The following COL11A1 variants were observed in gnomAD, a reference collection of about 807,000 sequenced individuals.
COL11A1 encodes collagen alpha-1(XI) chain.
In COL11A1, 74 loss-of-function variants were observed where a neutral mutation model predicts 265.2. That is an observed-to-expected ratio of 0.28 (90% confidence interval 0.23 to 0.34). The LOEUF (loss-of-function observed/expected upper bound fraction) is 0.34, where lower values mean the gene tolerates loss of function less well. COL11A1 is among the 10% of genes least tolerant of loss of function. The pLI, the probability that COL11A1 is intolerant of heterozygous loss-of-function variation, is 1.00. For missense variants in COL11A1, 2,165 were observed against 2,263.6 expected, an observed-to-expected ratio of 0.96 and a Z score of 0.88; for synonymous variants, 816 against 727.6, an observed-to-expected ratio of 1.12 and a Z score of -1.96.
chr1:102,899,534 T>C (rs1207715760), intron 54 of COL11A1, among the ~76,000 whole-genome samples: 3 of 152,078 alleles, frequency 2.0e-5, no homozygotes, highest in Non-Finnish European at 4.4e-5. Flanking sequence ...TTCACATAAA[T>C]AGGTAAAATG....
At chr1:103,059,316 T>C (rs1670478855) in intron 4 of COL11A1, among the ~76,000 whole-genome samples, 1 of 152,018 alleles carries the variant, frequency 6.6e-6, no homozygotes, top group Non-Finnish European at 1.5e-5. Context: ...ACTGATAAAA[T>C]TCACAGTCCA....
chr1:102,985,763 T>C (rs1418637027), intron 30 of COL11A1, among the ~76,000 whole-genome samples: 1 of 152,164 alleles, frequency 6.6e-6, no homozygotes, highest in East Asian at 1.9e-4. Context: ...TTACACATGA[T>C]AGAGCCTAAG....
At position 102,885,922 on chromosome 1, in the gene COL11A1, TAAG is replaced by T. The variant is rs538289017; in HGVS notation, c.4858+882_4858+884del. ...TTTAACAGGCTATGCTTGATTAAGA[TAAG>T]AAGATTTTTGTGACATCCTTTTTTT... On this transcript the variant is annotated intron_variant, in intron 63 of 66. Coordinates refer to ENST00000370096, the MANE Select transcript of COL11A1 (RefSeq NM_001854.4). 1.2e-3 allele frequency among the ~76,000 whole-genome samples: 186 copies of T among 152,302 alleles called. 1 individual carries two copies. Among genetic ancestry groups the T allele is most frequent in the Non-Finnish European group, 2.0e-3 (136 of 67,998 alleles).
At chr1:103,083,115 G>T (rs1222440448) in intron 1 of COL11A1, 143 bp from the exon 2 acceptor site, 4 of 728,710 alleles carry the variant, frequency 5.5e-6, no homozygotes, top group Admixed American at 2.7e-5. Flanking sequence ...TTAGGTGGGA[G>T]TTTGGAGAGT....
intron 7 of COL11A1, 47 bp from the exon 8 acceptor site, chr1:103,023,043 T>C (rs752392255): frequency 3.0e-5 from 48 of 1,586,986 alleles, no homozygotes; most frequent in Non-Finnish European, 4.0e-5. Context: ...AGTTTATTGT[T>C]AGTAAAGCAA....
At chr1:103,057,435 A>T (rs1254168849) in intron 4 of COL11A1, among the ~76,000 whole-genome samples, 1 of 152,178 alleles carries the variant, frequency 6.6e-6, no homozygotes. Flanking sequence ...CTCATTTTGA[A>T]ACAAACTTCT....
chr1:102,880,880 C>T (rs978188593), intron 65 of COL11A1, among the ~76,000 whole-genome samples: 29 of 151,976 alleles, frequency 1.9e-4, no homozygotes, highest in African/African-American at 7.0e-4. Flanking sequence ...AGAGTTCTAT[C>T]TGTATATATT....
At chr1:103,045,599 T>C (rs908121049) in intron 4 of COL11A1, among the ~76,000 whole-genome samples, 4 of 152,016 alleles carry the variant, frequency 2.6e-5, no homozygotes, top group South Asian at 2.1e-4. Context: ...ATTTAAATAA[T>C]ATATCAATAT....
chr1:102,898,971 TG>T lies in COL11A1; in HGVS notation c.4109del (p.Ala1370GlufsTer88). The T allele has an allele frequency of 6.4e-7, 1 of 1,553,038 alleles. No homozygotes were observed. The highest frequency in any genetic ancestry group is 1.7e-4 in the Middle Eastern group (1 of 5,744). ...GKRGPPGAAG[A>X]EGRQGEKGAK... ...CACCTTTTTCACCTTGTCTTCCCTCTGCACCTGCAGCTCCAGGAGGACCCTA... is the reference window on the plus strand; with the variant it reads ...CACCTTTTTCACCTTGTCTTCCCTCTCACCTGCAGCTCCAGGAGGACCCTA... On this transcript the variant is annotated frameshift_variant, in exon 55 of 67. Coordinates refer to ENST00000370096, the MANE Select transcript of COL11A1 (RefSeq NM_001854.4). LOFTEE classifies it high-confidence loss of function.
chr1:102,907,551 T>A (rs1172504097), intron 54 of COL11A1, among the ~76,000 whole-genome samples: 1 of 152,056 alleles, frequency 6.6e-6, no homozygotes, highest in African/African-American at 2.4e-5. Flanking sequence ...AATCATTGGC[T>A]TATGTTTCTT....
chr1:102,961,145 T>A (rs1312747132), intron 41 of COL11A1, among the ~76,000 whole-genome samples: 1 of 152,138 alleles, frequency 6.6e-6, no homozygotes, highest in Non-Finnish European at 1.5e-5. Context: ...AGACACTAAA[T>A]ATGGCAGTTT....
At chr1:103,050,010 T>C (rs966560395) in intron 4 of COL11A1, among the ~76,000 whole-genome samples, 1 of 152,228 alleles carries the variant, frequency 6.6e-6, no homozygotes, top group Non-Finnish European at 1.5e-5. Flanking sequence ...TAACCCGACC[T>C]TTCTCTCTGG....
intron 15 of COL11A1, among the ~76,000 whole-genome samples, chr1:103,007,497 C>G (rs1156539054): frequency 6.6e-5 from 10 of 151,520 alleles, no homozygotes; most frequent in African/African-American, 2.4e-4. Flanking sequence ...AAAATGAAAC[C>G]CAAATTTGAA....
chr1:103,102,842 A>G (rs957088316), intron 1 of COL11A1, among the ~76,000 whole-genome samples: 1 of 152,006 alleles, frequency 6.6e-6, no homozygotes, highest in African/African-American at 2.4e-5. Flanking sequence ...TTTCCCTAAA[A>G]ACAGAAAGAC....
Position 102,909,158 on chromosome 1 carries a change from C to G in COL11A1, c.4086+3001G>C, listed in dbSNP as rs188699154. Among the ~76,000 whole-genome samples the G allele has an allele frequency of 4.0e-3, 607 of 152,140 alleles. 8 individuals carry two copies. The highest frequency in any genetic ancestry group is 0.014 in the African/African-American group (588 of 41,518). On this transcript the variant is annotated intron_variant, in intron 54 of 66. Transcript: ENST00000370096. The stretch of plus-strand genomic sequence containing the variant: ...GGATTTCTTATGAATAGATTAATAC[C>G]TTTCCAGGATGGGTGTGAGTGGCTT...
intron 13 of COL11A1, among the ~76,000 whole-genome samples, chr1:103,013,426 C>T (rs1456592206): frequency 6.6e-6 from 1 of 151,632 alleles, no homozygotes; most frequent in African/African-American, 2.4e-5. Flanking sequence ...TATTTAAGTT[C>T]AAATAATTAC....
intron 4 of COL11A1, among the ~76,000 whole-genome samples, chr1:103,056,327 T>C (rs1044869030): frequency 5.3e-5 from 8 of 152,130 alleles, no homozygotes; most frequent in African/African-American, 1.7e-4. Flanking sequence ...CCCAAACCAA[T>C]TGAGGAAAAA....
rs1264711178 is a variant in COL11A1, at chr1:102,886,944, T to A, written c.4721A>T (p.Asp1574Val). The change falls in exon 63 of 67, where the codon GAT (aspartate) becomes GTT (valine). Residue 1574 changes from aspartate (D) to valine (V), a missense_variant. Physicochemically the swap from Asp to Val is radical, Grantham distance 152. Coordinates refer to ENST00000370096, the MANE Select transcript of COL11A1 (RefSeq NM_001854.4). ...DADDNILDYSDGMEEIFGSLN... is the reference protein window; with the variant it reads ...DADDNILDYSVGMEEIFGSLN... Reference sequence around the variant, plus strand: ...GGAACCAAATATTTCTTCCATTCCATCCGAGTAATCAAGAATATTATCATC... The same window carrying A: ...GGAACCAAATATTTCTTCCATTCCAACCGAGTAATCAAGAATATTATCATC... 1.2e-6 allele frequency: 2 copies of A among 1,613,928 alleles called. No homozygotes were observed. Among genetic ancestry groups the A allele is most frequent in the African/African-American group, 2.7e-5 (2 of 75,034 alleles).
At chr1:103,034,852 C>G (rs1303072828) in intron 4 of COL11A1, among the ~76,000 whole-genome samples, 1 of 152,072 alleles carries the variant, frequency 6.6e-6, no homozygotes, top group Non-Finnish European at 1.5e-5. Context: ...TCCCCTTCCG[C>G]CAGGCCTACT....
Sources: gnomAD v4.1 joint callset for allele counts (sites outside exome capture counted in the v4.1 genomes callset) on GRCh38, gnomAD v4.1.1 for gene constraint, MANE v1.5 for transcripts, NCBI Gene and HGNC (gene_info 2026-07-23, HGNC 2026-07-21) for gene names.